AGBL4: variants seen among roughly 807,000 people sequenced by gnomAD.
AGBL4 encodes the protein AGBL carboxypeptidase 4.
AGBL4 carries 58 observed loss-of-function variants against 66.4 expected under a neutral mutation model. The observed-to-expected ratio is 0.87, with a 90% CI of 0.71 to 1.09. The LOEUF is 1.09. Among genes scored for constraint, AGBL4 ranks in the 50% least tolerant of loss-of-function variants. The pLI, the probability that AGBL4 is intolerant of heterozygous loss-of-function variation, is 0.00. For synonymous variants in AGBL4, 234 were observed against 222.9 expected (o/e 1.05, Z -0.44); for missense variants, 579 against 631.0 (o/e 0.92, Z 0.88).
chr1:49,746,167 T>C (rs945342565), intron 2 of AGBL4, among the ~76,000 whole-genome samples: 2 of 151,996 alleles, frequency 1.3e-5, no homozygotes, highest in Non-Finnish European at 2.9e-5. Flanking sequence ...TCCAGAAGAA[T>C]GCATTCCTGA....
intron 1 of AGBL4, among the ~76,000 whole-genome samples, chr1:49,957,652 G>C (rs111695242): frequency 1.6e-4 from 25 of 152,068 alleles, no homozygotes; most frequent in Non-Finnish European, 2.9e-4. Context: ...TTGGTTTAAA[G>C]TCTGTTTTAT....
chr1:49,946,459 AT>A (rs1655216518), intron 1 of AGBL4, among the ~76,000 whole-genome samples: 1 of 152,054 alleles, frequency 6.6e-6, no homozygotes, highest in Non-Finnish European at 1.5e-5. Flanking sequence ...CTGAATGATC[AT>A]TGAGTCAACA....
chr1:49,379,617 T>C (rs1411209201), intron 3 of AGBL4, among the ~76,000 whole-genome samples: 2 of 152,202 alleles, frequency 1.3e-5, no homozygotes, highest in Non-Finnish European at 2.9e-5. Context: ...AAAGGCCTTT[T>C]CTGCATCTAT....
rs533645061 is a variant in AGBL4, at chr1:49,697,539, C to A, written c.158-102G>T. The A allele has an allele frequency of 2.1e-5, 20 of 973,792 alleles. No individual in the cohort carries two copies. In the South Asian group the frequency reaches 5.2e-4, roughly 25 times the overall value. 60.3% of individuals were successfully genotyped at this position (973,792 alleles called of 1,614,324 possible). On this transcript the variant is annotated intron_variant, in intron 2 of 13. Coordinates refer to ENST00000371839, the MANE Select transcript of AGBL4 (RefSeq NM_032785.4). ...GCTCTCTGATAGTGGCATTTGTCAA[C>A]ATTCAGTACTTGAAGGTTCAGTGTT...
chr1:49,018,841 A>G (rs1663021474), intron 5 of AGBL4, among the ~76,000 whole-genome samples: 1 of 152,166 alleles, frequency 6.6e-6, no homozygotes, highest in Admixed American at 6.5e-5. Context: ...TAATTGTTAG[A>G]GAACTCCCTA....
At chr1:48,791,137 A>G (rs771000685) in intron 6 of AGBL4, among the ~76,000 whole-genome samples, 1 of 152,232 alleles carries the variant, frequency 6.6e-6, no homozygotes, top group Non-Finnish European at 1.5e-5. Flanking sequence ...GACCAAATCA[A>G]TAATGAAGCT....
intron 4 of AGBL4, among the ~76,000 whole-genome samples, chr1:49,238,609 G>A (rs1486396015): frequency 6.6e-6 from 1 of 152,276 alleles, no homozygotes; most frequent in East Asian, 1.9e-4. Context: ...GGGGAGTGGG[G>A]TGGTGGCAAA....
chr1:49,576,643 G>A (rs907728770), intron 3 of AGBL4, among the ~76,000 whole-genome samples: 26 of 152,290 alleles, frequency 1.7e-4, no homozygotes, highest in Admixed American at 7.2e-4. Context: ...GCACAGCAGC[G>A]TTCCATCATC....
intron 6 of AGBL4, chr1:48,776,799 G>T: frequency 6.6e-7 from 1 of 1,524,288 alleles, no homozygotes; most frequent in Non-Finnish European, 8.8e-7. Context: ...CGTAGCAGAC[G>T]TTGTCCTCCA....
At chr1:49,581,930 G>A (rs1644550044) in intron 3 of AGBL4, among the ~76,000 whole-genome samples, 1 of 152,160 alleles carries the variant, frequency 6.6e-6, no homozygotes, top group Non-Finnish European at 1.5e-5. Context: ...CAGCAGTGGT[G>A]AAGTGTTCTC....
intron 3 of AGBL4, among the ~76,000 whole-genome samples, chr1:49,407,674 G>A (rs1645232997): frequency 6.7e-6 from 1 of 149,608 alleles, no homozygotes; most frequent in African/African-American, 2.4e-5. Context: ...TCTATGTCTT[G>A]AAAAAAAAAG....
intron 3 of AGBL4, among the ~76,000 whole-genome samples, chr1:49,500,270 A>G (rs984352973): frequency 6.6e-6 from 1 of 151,906 alleles, no homozygotes; most frequent in Middle Eastern, 3.4e-3. Flanking sequence ...TAGATTCTGG[A>G]TATTAGTCCT....
At chr1:48,972,392 A>G (rs950438975) in intron 5 of AGBL4, among the ~76,000 whole-genome samples, 7 of 152,166 alleles carry the variant, frequency 4.6e-5, no homozygotes, top group Admixed American at 3.3e-4. Context: ...GTCTCAGTCC[A>G]TGGACAGAAT....
At chr1:49,062,915 C>T (rs138933304) in intron 4 of AGBL4, among the ~76,000 whole-genome samples, 10 of 152,258 alleles carry the variant, frequency 6.6e-5, no homozygotes, top group African/African-American at 1.2e-4. Context: ...TTAAAAATTA[C>T]GTGAAAAGCT....
chr1:49,202,738 A>T (rs1203678586), intron 4 of AGBL4, among the ~76,000 whole-genome samples: 2 of 152,128 alleles, frequency 1.3e-5, no homozygotes, highest in East Asian at 3.9e-4. Context: ...GCACAGCAAA[A>T]AAAGCAAAAA....
At chr1:48,627,855 C>T (rs11580482) in intron 9 of AGBL4, among the ~76,000 whole-genome samples, 2,397 of 152,224 alleles carry the variant, frequency 0.016, 30 homozygotes, top group Middle Eastern at 0.024. Flanking sequence ...CTGCTGGAAA[C>T]CCATTCACCT....
chr1:48,979,788 T>G (rs1310660540), intron 5 of AGBL4, among the ~76,000 whole-genome samples: 1 of 152,170 alleles, frequency 6.6e-6, no homozygotes, highest in Non-Finnish European at 1.5e-5. Context: ...TATTATTATT[T>G]AATTGGATAT....
chr1:49,761,346 T>C (rs1652297926), intron 2 of AGBL4, among the ~76,000 whole-genome samples: 1 of 152,158 alleles, frequency 6.6e-6, no homozygotes, highest in Non-Finnish European at 1.5e-5. Context: ...GATTCAATCT[T>C]AAAAATCACA....
chr1:48,760,684 A>G (rs1475703917), intron 6 of AGBL4, among the ~76,000 whole-genome samples: 1 of 152,144 alleles, frequency 6.6e-6, no homozygotes, highest in East Asian at 1.9e-4. Context: ...AACACCCTCA[A>G]CCTTGTGACC....
Sources: gnomAD v4.1 joint callset for allele counts (sites outside exome capture counted in the v4.1 genomes callset) on GRCh38, gnomAD v4.1.1 for gene constraint, MANE v1.5 for transcripts, NCBI Gene and HGNC (gene_info 2026-07-23, HGNC 2026-07-21) for gene names.